Variants in ZNF18 observed in about 807,000 individuals in gnomAD.
The protein encoded by ZNF18 is zinc finger protein 18.
Under a neutral mutation model 58.1 loss-of-function variants are expected in ZNF18, and 42 were observed. The observed-to-expected ratio is 0.72, with a 90% CI of 0.56 to 0.93. The LOEUF is 0.93. ZNF18 is among the 40% of genes least tolerant of loss of function. ZNF18 has a pLI of 0.00. For synonymous variants in ZNF18, 231 were observed against 239.8 expected (o/e 0.96, Z 0.34); for missense variants, 540 against 644.2 (o/e 0.84, Z 1.75).
At chr17:12,003,464 C>T in the ZNF18 span, among the ~76,000 whole-genome samples, 465 of 149,640 alleles carry the variant, frequency 3.1e-3, 2 homozygotes, top group African/African-American at 7.6e-3. Flanking sequence ...AAAAGATGTT[C>T]AAGAAGGTTC....
chr17:11,982,978 T>TA (rs1967472673), intron 6 of ZNF18, among the ~76,000 whole-genome samples: 1 of 152,222 alleles, frequency 6.6e-6, no homozygotes, highest in Non-Finnish European at 1.5e-5. Flanking sequence ...AATGAAATTC[T>TA]ACTCTATTTG....
At chr17:12,020,656 C>T in the ZNF18 span, among the ~76,000 whole-genome samples, 1 of 150,808 alleles carries the variant, frequency 6.6e-6, no homozygotes, top group African/African-American at 2.4e-5. Context: ...AGCCCTGGTC[C>T]AAGACAGCTG....
upstream of ZNF18, among the ~76,000 whole-genome samples, chr17:12,001,218 G>A (rs12601096): frequency 0.39 from 59,130 of 151,986 alleles, 11,997 homozygotes; most frequent in East Asian, 0.62. Flanking sequence ...ACAAATCCTC[G>A]TACAGAGAAA....
chr17:12,011,915 G>T, the ZNF18 span, among the ~76,000 whole-genome samples: 3 of 151,206 alleles, frequency 2.0e-5, no homozygotes, highest in East Asian at 5.9e-4. Flanking sequence ...TGGCCAGGGT[G>T]GTCTTGAACT....
the ZNF18 span, among the ~76,000 whole-genome samples, chr17:12,005,329 C>A: frequency 6.6e-6 from 1 of 152,040 alleles, no homozygotes; most frequent in African/African-American, 2.4e-5. Flanking sequence ...GGTTCTCATA[C>A]ATGAAAATCA....
chr17:11,996,470 T>C (rs1413919098), intron 1 of ZNF18, among the ~76,000 whole-genome samples: 3 of 152,224 alleles, frequency 2.0e-5, no homozygotes, highest in African/African-American at 4.8e-5. Flanking sequence ...CTTAAATCTT[T>C]TGTTAGTAAT....
the ZNF18 span, among the ~76,000 whole-genome samples, chr17:12,006,086 A>C: frequency 6.6e-6 from 1 of 152,162 alleles, no homozygotes; most frequent in Non-Finnish European, 1.5e-5. Context: ...ATGATTTTTT[A>C]ACAACTTCCA....
At chr17:12,020,840 G>C in the ZNF18 span, 1 of 897,220 alleles carries the variant, frequency 1.1e-6, no homozygotes, top group Non-Finnish European at 1.5e-6. Flanking sequence ...GGCCGAGCTT[G>C]CTGCATTGCA....
the ZNF18 span, chr17:12,021,036 C>A: frequency 2.0e-5 from 23 of 1,169,480 alleles, no homozygotes; most frequent in Admixed American, 8.8e-5. Flanking sequence ...TCCCAGCCCC[C>A]TAGCGCGGCA....
chr17:12,005,818 T>C, the ZNF18 span, among the ~76,000 whole-genome samples: 1 of 152,226 alleles, frequency 6.6e-6, no homozygotes, highest in Non-Finnish European at 1.5e-5. Flanking sequence ...ATATGTTTTA[T>C]AATGTACAAC....
chr17:12,021,107 C>G, the ZNF18 span: 2 of 598,300 alleles, frequency 3.3e-6, no homozygotes, highest in East Asian at 4.0e-5. Flanking sequence ...GAAGCCACGG[C>G]AGCCGCCGGC....
the ZNF18 span, among the ~76,000 whole-genome samples, chr17:12,020,292 G>A: frequency 9.8e-4 from 149 of 152,282 alleles, no homozygotes; most frequent in Non-Finnish European, 1.9e-3. Flanking sequence ...CTCTAATTCA[G>A]TAGTTTTGGG....
At chr17:12,015,106 A>G in the ZNF18 span, among the ~76,000 whole-genome samples, 1 of 152,232 alleles carries the variant, frequency 6.6e-6, no homozygotes, top group African/African-American at 2.4e-5. Context: ...ATTATATGGT[A>G]TATGAATTAT....
At position 11,991,084 on chromosome 17, in the gene ZNF18, G is replaced by A. The variant is rs898427357; in HGVS notation, c.467C>T (p.Pro156Leu). Residue 156 changes from proline to leucine, a missense_variant, in exon 3 of 7, where the codon CCC becomes CTC. Transcript: ENST00000580306. ...CTCCTGAGGCACCACTTCAAGATGG[G>A]GCTCCACTTCCCCCACTTGGCAGCT... ...SPSCQVGEVE[P>L]HLEVVPQELG... 2 of 1,614,020 alleles carry A rather than the reference G, an allele frequency of 1.2e-6. No individual in the cohort carries two copies. The highest frequency in any genetic ancestry group is 1.7e-6 in the Non-Finnish European group (2 of 1,180,032).
At chr17:12,011,266 T>C in the ZNF18 span, 33 of 367,868 alleles carry the variant, frequency 9.0e-5, no homozygotes, top group Non-Finnish European at 1.6e-4. Flanking sequence ...CTGAATCATA[T>C]TTTGAATGAA....
rs779755052 is a variant in ZNF18, at chr17:11,990,525, T to G, written c.603A>C (p.Arg201=). 24 of 1,611,476 alleles carry G rather than the reference T, an allele frequency of 1.5e-5. No homozygotes were observed. Among genetic ancestry groups the G allele is most frequent in the African/African-American group, 2.7e-5 (2 of 74,928 alleles). The stretch of plus-strand genomic sequence containing the variant: ...GGTCTCTGATCAGCCTTTCCTCCAG[T>G]CGGGCAGGCTGGGAGGCAGCCAGGG... The part of the protein sequence containing the change: ...ELALAASQPA[R]LEERLIRDQD... Residue 201 remains arginine (R), a synonymous_variant, in exon 4 of 7, where the codon CGA becomes CGC. Transcript: ENST00000580306.
chr17:12,008,735 T>G, the ZNF18 span, among the ~76,000 whole-genome samples: 1 of 152,106 alleles, frequency 6.6e-6, no homozygotes. Context: ...CCTTGCCAAA[T>G]CCCTTATCCC....
Position 11,978,735 on chromosome 17 carries a change from T to C in ZNF18, c.872A>G (p.Gln291Arg). ...ATTTAGGTTCTCCTTGTCATTCTCT[T>C]GTCTATCTCCTAAAAGAAGAAAGAA... Reference protein sequence around the residue: ...IPRPTCIGDRQENDKENLNLE... With the variant: ...IPRPTCIGDRRENDKENLNLE... Residue 291 changes from glutamine to arginine, a missense_variant, in exon 7 of 7, where the codon CAA becomes CGA. Physicochemically the swap from Gln to Arg is conservative, Grantham distance 43. Transcript: ENST00000580306. 4 of 1,588,698 alleles carry C rather than the reference T, an allele frequency of 2.5e-6. No individual in the cohort carries two copies. Among genetic ancestry groups the C allele is most frequent in the Non-Finnish European group, 2.6e-6 (3 of 1,173,872 alleles).
At chr17:12,003,010 T>C in the ZNF18 span, among the ~76,000 whole-genome samples, 2 of 152,058 alleles carry the variant, frequency 1.3e-5, no homozygotes, top group Non-Finnish European at 2.9e-5. Context: ...GAGCAAAGAG[T>C]GATTTAACTC....
Sources: allele counts gnomAD v4.1 joint callset (sites outside exome capture counted in the v4.1 genomes callset), GRCh38; gene constraint gnomAD v4.1.1; transcripts MANE v1.5; gene names NCBI Gene and HGNC (gene_info 2026-07-23, HGNC 2026-07-21).